CDC42BPB: variants seen among roughly 807,000 people sequenced by gnomAD.
The protein encoded by CDC42BPB is CDC42 binding protein kinase beta, also known as serine/threonine-protein kinase MRCK beta.
A neutral mutation model predicts 214.9 loss-of-function variants in CDC42BPB; 37 were observed. That is an observed-to-expected ratio of 0.17 (90% CI 0.13 to 0.23). The LOEUF (loss-of-function observed/expected upper bound fraction) is 0.23, where lower values mean the gene tolerates loss of function less well. CDC42BPB is among the 10% of genes least tolerant of loss of function. The probability of loss-of-function intolerance (pLI) is 1.00; values close to 1 mark genes in which losing one functional copy is unlikely to be tolerated. For missense variants in CDC42BPB, 1,694 were observed against 2,227.0 expected (o/e 0.76, Z 4.82); for synonymous variants, 931 against 884.0 (o/e 1.05, Z -0.94).
chr14:102,976,067 A>G lies in CDC42BPB; in HGVS notation c.1221-18T>C, dbSNP rs755876297. On this transcript the variant is annotated intron_variant, in intron 9 of 36. Transcript: ENST00000361246. ...AAAAACAGCTGGGAAACCAAGCAAC[A>G]GGTTTTTTTGATCTACTGAAAATTT... The G allele has an allele frequency of 1.5e-5, 24 of 1,603,092 alleles. No homozygotes were observed. The East Asian group carries it at 5.4e-4, about 36-fold the overall frequency.
intron 25 of CDC42BPB, chr14:102,950,124 T>A (rs544055327): frequency 1.0e-6 from 1 of 984,536 alleles, no homozygotes; most frequent in East Asian, 1.1e-4. Context: ...CAACGCTGTG[T>A]CCACCCCATG....
At chr14:102,963,370 C>T (rs538062178) in intron 19 of CDC42BPB, 4 of 808,520 alleles carry the variant, frequency 4.9e-6, no homozygotes, top group South Asian at 5.6e-5. Flanking sequence ...AAAGTCATGG[C>T]TTAGGAAGGC....
chr14:102,999,481 G>T (rs1595127091), intron 5 of CDC42BPB, 84 bp downstream of exon 5: 1 of 1,418,820 alleles, frequency 7.0e-7, no homozygotes, highest in Non-Finnish European at 9.8e-7. Flanking sequence ...ATGGCTTCTT[G>T]GGACGGCCTG....
At chr14:102,995,493 T>C (rs1894686603) in intron 5 of CDC42BPB, among the ~76,000 whole-genome samples, 1 of 152,140 alleles carries the variant, frequency 6.6e-6, no homozygotes, top group African/African-American at 2.4e-5. Flanking sequence ...CTGAAACCCT[T>C]TGTGTCATTC....
chr14:102,943,935 G>C lies in CDC42BPB; in HGVS notation c.4364C>G (p.Ala1455Gly). The change falls in exon 30 of 37, where the codon GCA becomes GGA. Residue 1455 changes from alanine to glycine, a missense_variant. Physicochemically the swap from Ala to Gly is moderately conservative, Grantham distance 60. Coordinates refer to ENST00000361246, the MANE Select transcript of CDC42BPB (RefSeq NM_006035.4). This position sits in a 1 kb window ranked among gnomAD's most constrained non-coding sequence, Gnocchi z 4.6. ...GLYVDPQGRR[A>G]RAQELMWPAA... is the part of the protein sequence containing the mutation. ...AGGCCACATGAGCTCCTGCGCGCGT[G>C]CCCTCCGGCCTTGCGGGTCCACGTA... The C allele has an allele frequency of 1.2e-6, 2 of 1,612,546 alleles. No homozygotes were observed. Among genetic ancestry groups the C allele is most frequent in the Non-Finnish European group, 1.7e-6 (2 of 1,179,880 alleles).
intron 3 of CDC42BPB, 95 bp downstream of exon 3, chr14:103,008,377 T>C: frequency 1.2e-6 from 1 of 819,894 alleles, no homozygotes. Flanking sequence ...GGCCCAGGGC[T>C]GTGGGGTGGC....
At chr14:102,938,455 G>A (rs753553958) in intron 34 of CDC42BPB, 44 bp from the exon 35 acceptor site, 19 of 1,505,718 alleles carry the variant, frequency 1.3e-5, no homozygotes, top group Middle Eastern at 2.5e-4. Flanking sequence ...GTTGACACCC[G>A]GCAGGGCCGG....
In CDC42BPB at chr14:103,057,549, C is replaced by G. The variant is rs1889061085; in HGVS notation, c.-376G>C. On this transcript the variant is annotated 5_prime_UTR_variant, in exon 1 of 37. Transcript: ENST00000361246. ...CGCAAGCCCGGCCGGCGCCCGAGCC[C>G]GACCCCAGCCCCGACCCGGCGGCCC... The G allele has an allele frequency of 6.6e-6, 1 of 150,496 alleles. No homozygotes were observed. Among genetic ancestry groups the G allele is most frequent in the Admixed American group, 6.8e-5 (1 of 14,764 alleles). The allele number at this position is 150,496 out of a possible 1,614,324, so 9.3% of individuals were successfully genotyped here.
intron 1 of CDC42BPB, among the ~76,000 whole-genome samples, chr14:103,029,307 C>T (rs1366320733): frequency 1.3e-5 from 2 of 151,856 alleles, no homozygotes; most frequent in African/African-American, 2.4e-5. Flanking sequence ...TTTGGGAGGC[C>T]GAGGTGGGTG....
chr14:102,945,328 G>C (rs1431373162), intron 29 of CDC42BPB: 1 of 475,988 alleles, frequency 2.1e-6, no homozygotes, highest in Non-Finnish European at 4.1e-6. Flanking sequence ...TGGGAAGACT[G>C]AAGTGTCAAA....
intron 20 of CDC42BPB, among the ~76,000 whole-genome samples, chr14:102,962,839 G>A (rs748878434): frequency 2.6e-5 from 4 of 152,144 alleles, no homozygotes; most frequent in East Asian, 3.9e-4. Context: ...GTGACACAGC[G>A]AGACTGTCTC....
At chr14:102,981,902 C>G (rs566130442) in intron 7 of CDC42BPB, among the ~76,000 whole-genome samples, 2 of 152,158 alleles carry the variant, frequency 1.3e-5, no homozygotes, top group South Asian at 4.1e-4. Context: ...TAAACACACA[C>G]ATGCGCACGC....
chr14:102,946,415 G>A (rs961432172), intron 28 of CDC42BPB, 53 bp downstream of exon 28: 22 of 1,592,354 alleles, frequency 1.4e-5, no homozygotes, highest in East Asian at 4.5e-5. Flanking sequence ...CTGCAGCGCC[G>A]CCGGAAGTGC....
At chr14:102,965,276 T>C (rs979519579) in intron 18 of CDC42BPB, among the ~76,000 whole-genome samples, 8 of 152,036 alleles carry the variant, frequency 5.3e-5, no homozygotes, top group African/African-American at 1.7e-4. Flanking sequence ...CCTGGACCCT[T>C]TTACAAACCT....
intron 1 of CDC42BPB, among the ~76,000 whole-genome samples, chr14:103,014,794 G>A (rs1886361811): frequency 6.6e-6 from 1 of 151,982 alleles, no homozygotes; most frequent in African/African-American, 2.4e-5. Context: ...AGAAAGAAAG[G>A]CCAGGCTGAA....
At chr14:102,966,714 C>T (rs375366279) in intron 17 of CDC42BPB, among the ~76,000 whole-genome samples, 1 of 152,188 alleles carries the variant, frequency 6.6e-6, no homozygotes, top group African/African-American at 2.4e-5. Flanking sequence ...ACCTTAGGAG[C>T]GGAGGGCCAG....
At chr14:103,052,778 C>G (rs77059163) in intron 1 of CDC42BPB, among the ~76,000 whole-genome samples, 2 of 152,232 alleles carry the variant, frequency 1.3e-5, no homozygotes, top group African/African-American at 2.4e-5. Flanking sequence ...GACGGCCACA[C>G]AGCAGCCAGG....
rs747719896 is a variant in CDC42BPB at position 103,004,042 on chromosome 14, T to C, written c.352-19A>G. 6.3e-7 allele frequency: 1 copy of C among 1,581,712 alleles called. No homozygotes were observed. Among genetic ancestry groups the C allele is most frequent in the South Asian group, 1.1e-5 (1 of 88,442 alleles). ...ACGCGGTCTGCAAAGCAACGAGGGG[T>C]GTCAGTCTGTGTTCACTGGGAAGCA... On this transcript the variant is annotated intron_variant, in intron 3 of 36. Transcript: ENST00000361246. This position sits in a 1 kb window ranked among gnomAD's most constrained non-coding sequence, Gnocchi z 5.3.
At position 102,944,081 on chromosome 14, in the gene CDC42BPB, T is replaced by G. The variant is rs750575554; in HGVS notation, c.4218A>C (p.Leu1406=). ...LLSIQGDGQP[L]NLVNPNDPSL... is the part of the protein sequence containing the mutation. ...AGGGGTCATTGGGATTTACCAGGTT[T>G]AGAGGCTGCCCGTCCCCCTGGATGC... The change falls in exon 30 of 37, where the codon CTA becomes CTC. Residue 1406 remains leucine, a synonymous_variant. Coordinates refer to ENST00000361246, the MANE Select transcript of CDC42BPB (RefSeq NM_006035.4). This position sits in a 1 kb window ranked among gnomAD's most constrained non-coding sequence, Gnocchi z 6.6. 4 of 1,613,552 alleles carry G rather than the reference T, an allele frequency of 2.5e-6. No individual in the cohort carries two copies. In the East Asian group the frequency reaches 8.9e-5, roughly 36 times the overall value.
Sources: gnomAD v4.1 joint callset for allele counts (sites outside exome capture counted in the v4.1 genomes callset) on GRCh38, gnomAD v4.1.1 for gene constraint, Gnocchi (gnomAD v3.1) non-coding constraint, MANE v1.5 for transcripts, NCBI Gene and HGNC (gene_info 2026-07-23, HGNC 2026-07-21) for gene names.